Variants in LDB2 observed in about 807,000 individuals in gnomAD.
LDB2 encodes LIM domain-binding protein 2.
A neutral mutation model predicts 44.3 loss-of-function variants in LDB2; 12 were observed. The observed-to-expected ratio is 0.27, with a 90% CI of 0.17 to 0.44. LDB2 has a LOEUF of 0.44. Among genes scored for constraint, LDB2 ranks in the 20% least tolerant of loss-of-function variants. The probability of loss-of-function intolerance (pLI) is 1.00; values close to 1 mark genes in which losing one functional copy is unlikely to be tolerated. For synonymous variants in LDB2, 164 were observed against 174.8 expected (o/e 0.94, Z 0.49); for missense variants, 344 against 473.5 (o/e 0.73, Z 2.54).
intron 2 of LDB2, among the ~76,000 whole-genome samples, chr4:16,601,340 A>C (rs528359399): frequency 6.6e-6 from 1 of 152,274 alleles, no homozygotes; most frequent in Non-Finnish European, 1.5e-5. Context: ...CTAATGTAAG[A>C]CTTTTTAATT....
intron 1 of LDB2, among the ~76,000 whole-genome samples, chr4:16,873,758 C>T (rs1161993666): frequency 1.3e-5 from 2 of 152,018 alleles, no homozygotes; most frequent in African/African-American, 4.8e-5. Flanking sequence ...GTGTAAATCA[C>T]AAAATTCATG....
chr4:16,548,495 T>C (rs563663989), intron 5 of LDB2, among the ~76,000 whole-genome samples: 177 of 152,340 alleles, frequency 1.2e-3, no homozygotes, highest in Non-Finnish European at 2.1e-3. Context: ...GATCTGTTTA[T>C]TATCTGCCTC....
At chr4:16,797,766 G>C (rs2109699590) in intron 1 of LDB2, among the ~76,000 whole-genome samples, 1 of 152,096 alleles carries the variant, frequency 6.6e-6, no homozygotes, top group Middle Eastern at 3.4e-3. Flanking sequence ...GCTGGGCATG[G>C]TGGCTCTCCC....
At chr4:16,698,528 T>A (rs1290930181) in intron 2 of LDB2, among the ~76,000 whole-genome samples, 1 of 152,216 alleles carries the variant, frequency 6.6e-6, no homozygotes, top group Non-Finnish European at 1.5e-5. Flanking sequence ...AGGTTGAGCA[T>A]CTTTTCATAT....
Position 16,538,745 on chromosome 4 carries a change from C to T in LDB2, c.616-26641G>A, listed in dbSNP as rs140861885. Among the ~76,000 whole-genome samples the T allele has an allele frequency of 2.0e-3, 312 of 152,304 alleles. 3 individuals are homozygous for T. Among genetic ancestry groups the T allele is most frequent in the African/African-American group, 7.2e-3 (299 of 41,560 alleles). Reference sequence around the variant, plus strand: ...TCAATTGATCAGTCACTCATTCATTCATTTATTCCTTCATTCACCAAATAT... The same window carrying T: ...TCAATTGATCAGTCACTCATTCATTTATTTATTCCTTCATTCACCAAATAT... On this transcript the variant is annotated intron_variant, in intron 5 of 7. Transcript: ENST00000304523.
At chr4:16,868,102 A>G (rs1473773152) in intron 1 of LDB2, among the ~76,000 whole-genome samples, 3 of 152,310 alleles carry the variant, frequency 2.0e-5, no homozygotes, top group Non-Finnish European at 2.9e-5. Context: ...TATCTTAGTG[A>G]TTTAAGTGGA....
intron 2 of LDB2, among the ~76,000 whole-genome samples, chr4:16,669,596 GA>G (rs1744206056): frequency 6.6e-6 from 1 of 152,210 alleles, no homozygotes. Context: ...TGGATCCACA[GA>G]GGAAGGTTAA....
At chr4:16,547,924 T>C (rs1736316929) in intron 5 of LDB2, among the ~76,000 whole-genome samples, 1 of 151,950 alleles carries the variant, frequency 6.6e-6, no homozygotes, top group African/African-American at 2.4e-5. Context: ...TTACAAACAT[T>C]CATTTGGAAC....
intron 3 of LDB2, among the ~76,000 whole-genome samples, chr4:16,592,194 A>G (rs967523700): frequency 1.3e-5 from 2 of 152,072 alleles, no homozygotes; most frequent in African/African-American, 4.8e-5. Context: ...CATTTCTCAA[A>G]CTAACCAGTA....
chr4:16,813,951 A>C (rs1192302530), intron 1 of LDB2, among the ~76,000 whole-genome samples: 1 of 150,538 alleles, frequency 6.6e-6, no homozygotes, highest in Admixed American at 6.6e-5. Context: ...GGCTCACTGC[A>C]AGCTCTGCCT....
intron 2 of LDB2, among the ~76,000 whole-genome samples, chr4:16,756,493 T>C (rs557543965): frequency 2.0e-5 from 3 of 152,152 alleles, no homozygotes; most frequent in Non-Finnish European, 4.4e-5. Context: ...CAGAGTTTGT[T>C]TGAGTACGCC....
chr4:16,800,775 C>T (rs1054135931), intron 1 of LDB2, among the ~76,000 whole-genome samples: 1 of 152,160 alleles, frequency 6.6e-6, no homozygotes, highest in African/African-American at 2.4e-5. Context: ...CCCAGGTTCA[C>T]GCCATTCTCC....
At position 16,891,471 on chromosome 4, in the gene LDB2, C is replaced by G. The variant is rs548531833; in HGVS notation, c.132+6883G>C. On this transcript the variant is annotated intron_variant, in intron 1 of 7. Coordinates refer to ENST00000304523, the MANE Select transcript of LDB2 (RefSeq NM_001290.5). Reference sequence around the variant, plus strand: ...GAGACTACAGGCGTGTGCCACCATGCCTGGTTAATTTTTGTATTTTTAGTA... The same window carrying G: ...GAGACTACAGGCGTGTGCCACCATGGCTGGTTAATTTTTGTATTTTTAGTA... Among the ~76,000 whole-genome samples the G allele has an allele frequency of 3.3e-5, 5 of 151,926 alleles. No homozygotes were observed. The East Asian group carries it at 9.7e-4, about 29-fold the overall frequency.
At chr4:16,605,430 T>C (rs756113406) in intron 2 of LDB2, among the ~76,000 whole-genome samples, 10 of 152,148 alleles carry the variant, frequency 6.6e-5, no homozygotes, top group Non-Finnish European at 8.8e-5. Flanking sequence ...GATTTAATTA[T>C]AATTAGTTTT....
At chr4:16,719,841 C>T (rs568911260) in intron 2 of LDB2, among the ~76,000 whole-genome samples, 1 of 152,218 alleles carries the variant, frequency 6.6e-6, no homozygotes, top group Non-Finnish European at 1.5e-5. Context: ...CTCTCCTTCA[C>T]TTCTCACAAT....
At chr4:16,773,998 C>CAAAAAAAAAAAAAAAA (rs60133554) in intron 1 of LDB2, among the ~76,000 whole-genome samples, 1 of 128,360 alleles carries the variant, frequency 7.8e-6, no homozygotes, top group Non-Finnish European at 1.6e-5. Context: ...ACTAAAAATA[C>CAAAAAAAAAAAAAAAA]AAAAAAAATA....
At chr4:16,780,216 ATTTT>A (rs903288511) in intron 1 of LDB2, among the ~76,000 whole-genome samples, 1 of 151,978 alleles carries the variant, frequency 6.6e-6, no homozygotes, top group African/African-American at 2.4e-5. Context: ...ATGATTTCTA[ATTTT>A]TTTTATTTTA....
intron 2 of LDB2, among the ~76,000 whole-genome samples, chr4:16,685,535 C>T (rs1435701519): frequency 6.6e-6 from 1 of 152,026 alleles, no homozygotes; most frequent in Non-Finnish European, 1.5e-5. Flanking sequence ...GTTGAATGGA[C>T]CTAATATTCT....
At chr4:16,652,726 C>T (rs559174556) in intron 2 of LDB2, among the ~76,000 whole-genome samples, 9 of 152,266 alleles carry the variant, frequency 5.9e-5, no homozygotes, top group South Asian at 2.1e-4. Flanking sequence ...GGTGTGAAGC[C>T]GCAAGCCTCA....
Sources: allele counts gnomAD v4.1 joint callset (sites outside exome capture counted in the v4.1 genomes callset), GRCh38; gene constraint gnomAD v4.1.1; transcripts MANE v1.5; gene names NCBI Gene and HGNC (gene_info 2026-07-23, HGNC 2026-07-21).